Variants in MACF1 observed in about 807,000 individuals in gnomAD.
MACF1 encodes the protein microtubule-actin cross-linking factor 1.
In MACF1, 193 loss-of-function variants were observed where a neutral mutation model predicts 854.8. The observed-to-expected ratio is 0.23, with a 90% CI of 0.20 to 0.25. The LOEUF is 0.25. MACF1 is among the 10% of genes least tolerant of loss of function. The probability of loss-of-function intolerance (pLI) is 1.00; values close to 1 mark genes in which losing one functional copy is unlikely to be tolerated. For missense variants in MACF1, 7,722 were observed against 8,929.1 expected, an observed-to-expected ratio of 0.86 and a Z score of 5.45; for synonymous variants, 3,185 against 3,226.7, an observed-to-expected ratio of 0.99 and a Z score of 0.44.
intron 2 of MACF1, among the ~76,000 whole-genome samples, chr1:39,143,276 T>C (rs952424802): frequency 2.0e-5 from 3 of 152,234 alleles, no homozygotes; most frequent in African/African-American, 7.2e-5. Context: ...AAGTTGGGGC[T>C]CTTAGAGTGA....
At position 39,292,801 on chromosome 1, in the gene MACF1, T is replaced by G; in HGVS notation, c.1950T>G (p.Ala650=). The G allele has an allele frequency of 6.2e-7, 1 of 1,613,148 alleles. No homozygotes were observed. The highest frequency in any genetic ancestry group is 8.5e-7 in the Non-Finnish European group (1 of 1,179,662). Residue 650 remains alanine (A), a synonymous_variant, in exon 17 of 101, where the codon GCT becomes GCG. Transcript: ENST00000564288. ...KMSQNFHTSY[A]ETLGKLETQY... ...CCCAGAATTTCCATACCAGCTATGC[T>G]GAAACTCTTGGAAAGCTGGAGACAC...
rs1646082119 is a variant in MACF1, at chr1:39,303,063, T to C, written c.2774T>C (p.Ile925Thr). 1.9e-6 allele frequency: 3 copies of C among 1,613,878 alleles called. No homozygotes were observed. Among genetic ancestry groups the C allele is most frequent in the African/African-American group, 1.3e-5 (1 of 75,034 alleles). The change falls in exon 23 of 101, where the codon ATT (isoleucine) becomes ACT (threonine). Residue 925 changes from isoleucine to threonine, a missense_variant. Ile to Thr is a moderately conservative substitution (Grantham distance 89, BLOSUM62 -1). Coordinates refer to ENST00000564288, the MANE Select transcript of MACF1 (RefSeq NM_001394062.1). ...FLIPPPNKDAIEMASRVEQSY... is the reference protein window; with the variant it reads ...FLIPPPNKDATEMASRVEQSY... The stretch of plus-strand genomic sequence containing the variant: ...ATCCCCCCACCCAATAAGGATGCCA[T>C]TGAGATGGCCAGCAGGTAACTTGGC...
At chr1:39,275,622 A>G (rs996876878) in intron 6 of MACF1, among the ~76,000 whole-genome samples, 2 of 152,222 alleles carry the variant, frequency 1.3e-5, no homozygotes, top group East Asian at 1.9e-4. Context: ...AAACCTCTTC[A>G]TAGCACTTAA....
intron 86 of MACF1, 92 bp from the exon 87 acceptor site, chr1:39,452,592 G>C: frequency 2.0e-6 from 3 of 1,533,396 alleles, no homozygotes; most frequent in Non-Finnish European, 2.7e-6. Flanking sequence ...TGAAATGTCT[G>C]AATGAACACT....
chr1:39,197,175 A>C (rs1402421826), intron 2 of MACF1, among the ~76,000 whole-genome samples: 1 of 152,226 alleles, frequency 6.6e-6, no homozygotes, highest in East Asian at 1.9e-4. Context: ...TTTTATTTTC[A>C]TGAAAGCAGT....
chr1:39,403,470 G>C (rs549374353), intron 58 of MACF1, among the ~76,000 whole-genome samples: 1 of 152,112 alleles, frequency 6.6e-6, no homozygotes, highest in Admixed American at 6.5e-5. Context: ...CACATGGGTC[G>C]TTTTTTAGTA....
chr1:39,439,084 C>CA (rs760415601), intron 71 of MACF1, among the ~76,000 whole-genome samples, 190 bp from the exon 72 acceptor site: 5,046 of 84,528 alleles, frequency 0.06, 280 homozygotes, highest in African/African-American at 0.19. Flanking sequence ...ACTCTGTCTC[C>CA]AAAAAAAAAA....
In MACF1 at chr1:39,310,990, C is replaced by T. The variant is rs891246693; in HGVS notation, c.3260C>T (p.Ala1087Val). The T allele has an allele frequency of 2.5e-6, 4 of 1,612,368 alleles. No homozygotes were observed. In the African/African-American group the frequency reaches 4.0e-5, roughly 16 times the overall value. The change falls in exon 26 of 101, where the codon GCA becomes GTA. Residue 1087 changes from alanine (A) to valine (V), a missense_variant. By Grantham distance (64) the Ala-to-Val change is moderately conservative (BLOSUM62 0). This residue lies in a region of MACF1 where 1,137 missense variants were observed against 1,263.0 expected (regional missense o/e 0.90). Coordinates refer to ENST00000564288, the MANE Select transcript of MACF1 (RefSeq NM_001394062.1). ...DAWQDNALRI[A>V]EQEHTQEDLQ... ...TGGCAGGACAATGCATTAAGGATTG[C>T]AGAGCAAGAGGTAAGCCCTAAGAGC...
intron 2 of MACF1, among the ~76,000 whole-genome samples, chr1:39,248,372 A>C (rs895775830): frequency 7.9e-5 from 12 of 151,830 alleles, no homozygotes; most frequent in Non-Finnish European, 1.0e-4. Context: ...TTGGTTTGTC[A>C]CTCAGGCTGG....
rs927499659 is a variant in MACF1 at position 39,409,243 on chromosome 1, T to C, written c.15817-13131T>C. Among the ~76,000 whole-genome samples the C allele has an allele frequency of 2.6e-5, 4 of 151,110 alleles. No individual in the cohort carries two copies. Among genetic ancestry groups the C allele is most frequent in the African/African-American group, 9.7e-5 (4 of 41,090 alleles). On this transcript the variant is annotated intron_variant, in intron 58 of 100. Coordinates refer to ENST00000564288, the MANE Select transcript of MACF1 (RefSeq NM_001394062.1). This position sits in a 1 kb window ranked among gnomAD's most constrained non-coding sequence, Gnocchi z 4.2. ...CGGGGCCGCGGGGCCAGCGGCGTGGTGGAGAATAGAGGCGGCTGCTTGTCA... is the reference window on the plus strand; with the variant it reads ...CGGGGCCGCGGGGCCAGCGGCGTGGCGGAGAATAGAGGCGGCTGCTTGTCA...
At chr1:39,429,378 T>C (rs758952644) in intron 64 of MACF1, 52 bp downstream of exon 64, 6 of 1,034,150 alleles carry the variant, frequency 5.8e-6, no homozygotes, top group South Asian at 5.4e-5. Flanking sequence ...AAGACAATTA[T>C]GTACCCAAGG....
At position 39,414,574 on chromosome 1, in the gene MACF1, T is replaced by G. The variant is rs547032892; in HGVS notation, c.15817-7800T>G. On this transcript the variant is annotated intron_variant, in intron 58 of 100. Transcript: ENST00000564288. Reference sequence around the variant, plus strand: ...ATGAGAAATGGCACAGATAGTTCTTTTGTTCTTTTTGGGTCTCCCGGGCTT... The same window carrying G: ...ATGAGAAATGGCACAGATAGTTCTTGTGTTCTTTTTGGGTCTCCCGGGCTT... The G allele has an allele frequency of 7.8e-6, 12 of 1,543,254 alleles. No individual in the cohort carries two copies. In the South Asian group the frequency reaches 1.4e-4, roughly 18 times the overall value.
At position 39,461,989 on chromosome 1, in the gene MACF1, C is replaced by A. The variant is rs1644564607; in HGVS notation, c.21630C>A (p.Asn7210Lys). The change falls in exon 93 of 101, where the codon AAC becomes AAA. Residue 7210 changes from asparagine to lysine, a missense_variant. Transcript: ENST00000564288. ...AATTTGTGGCTGCTCTTCATCCCAA[C>A]AAGGATGCGTATCGACCAACAACCG... ...YYEFVAALHP[N>K]KDAYRPTTDA... The A allele has an allele frequency of 1.2e-6, 2 of 1,613,742 alleles. No individual in the cohort carries two copies. Among genetic ancestry groups the A allele is most frequent in the Admixed American group, 3.3e-5 (2 of 59,964 alleles).
At chr1:39,413,873 C>T in intron 58 of MACF1, 1 of 1,610,290 alleles carries the variant, frequency 6.2e-7, no homozygotes, top group South Asian at 1.1e-5. Flanking sequence ...GCTTCAGTGC[C>T]CACCCCTGCA....
At chr1:39,207,172 T>C (rs1045271603) in intron 1 of MACF1, among the ~76,000 whole-genome samples, 2 of 152,090 alleles carry the variant, frequency 1.3e-5, no homozygotes, top group Non-Finnish European at 2.9e-5. Context: ...GTATTACTGG[T>C]TTAGTATGTG....
chr1:39,282,974 C>T (rs989335650), intron 7 of MACF1, among the ~76,000 whole-genome samples: 2 of 152,186 alleles, frequency 1.3e-5, no homozygotes, highest in Non-Finnish European at 2.9e-5. Flanking sequence ...TGACATTCAA[C>T]AAACCTAAAC....
At chr1:39,388,905 GTCTC>G (rs201080678) in intron 58 of MACF1, among the ~76,000 whole-genome samples, 4,722 of 132,420 alleles carry the variant, frequency 0.036, 257 homozygotes, top group African/African-American at 0.11. Flanking sequence ...TTGAGACAGG[GTCTC>G]TCTCTCTCAC....
chr1:39,317,462 A>G (rs1281604562), intron 29 of MACF1, 55 bp downstream of exon 29: 29 of 1,551,972 alleles, frequency 1.9e-5, no homozygotes, highest in South Asian at 1.5e-4. Context: ...TAGGTCTTAA[A>G]CAAAAACAGA....
intron 2 of MACF1, among the ~76,000 whole-genome samples, chr1:39,178,696 C>G (rs1644065041): frequency 1.3e-5 from 2 of 152,270 alleles, no homozygotes; most frequent in South Asian, 4.1e-4. Context: ...TTCCAGCAGT[C>G]CTAAAGTCCT....
Sources: gnomAD v4.1 joint callset for allele counts (sites outside exome capture counted in the v4.1 genomes callset) on GRCh38, gnomAD v4.1.1 for gene constraint, gnomAD v4.1.1 regional missense constraint, Gnocchi (gnomAD v3.1) non-coding constraint, MANE v1.5 for transcripts, NCBI Gene and HGNC (gene_info 2026-07-23, HGNC 2026-07-21) for gene names.